Variants in ADAM10 observed in about 807,000 individuals in gnomAD.
The protein encoded by ADAM10 is ADAM metallopeptidase domain 10.
ADAM10 carries 17 observed loss-of-function variants against 90.1 expected under a neutral mutation model. The observed-to-expected ratio is 0.19, with a 90% confidence interval of 0.13 to 0.28. The LOEUF (loss-of-function observed/expected upper bound fraction) is 0.28. Among genes scored for constraint, ADAM10 ranks in the 10% least tolerant of loss-of-function variants. ADAM10 has a pLI of 1.00. For synonymous variants in ADAM10, 310 were observed against 298.6 expected (o/e 1.04, Z -0.40); for missense variants, 610 against 914.3 (o/e 0.67, Z 4.29).
At chr15:58,706,204 G>A (rs1222170983) in intron 2 of ADAM10, among the ~76,000 whole-genome samples, 1 of 152,200 alleles carries the variant, frequency 6.6e-6, no homozygotes, top group Admixed American at 6.5e-5. Context: ...AACTAATGAA[G>A]TACGTTGCCA....
intron 14 of ADAM10, among the ~76,000 whole-genome samples, chr15:58,603,665 C>G (rs1158061331): frequency 6.6e-6 from 1 of 152,088 alleles, no homozygotes; most frequent in Non-Finnish European, 1.5e-5. Flanking sequence ...ATGTCAAACC[C>G]TTCTTCGAAT....
intron 2 of ADAM10, among the ~76,000 whole-genome samples, chr15:58,710,684 A>C (rs756169812): frequency 2.4e-4 from 36 of 150,688 alleles, no homozygotes; most frequent in Non-Finnish European, 4.9e-4. Context: ...TTTTTGCTCA[A>C]ATTTTGTTGG....
Position 58,664,996 on chromosome 15 carries a change from T to G in ADAM10, c.585+101A>C, listed in dbSNP as rs1897046645. The G allele has an allele frequency of 3.1e-6, 3 of 960,716 alleles. No individual in the cohort carries two copies. In the South Asian group the frequency reaches 3.9e-5, roughly 13 times the overall value. The allele number at this position is 960,716 out of a possible 1,614,324, so 59.5% of individuals were successfully genotyped here. A position where few individuals can be genotyped will look rare whatever the true frequency, so the allele number is the denominator to read the frequency against. On this transcript the variant is annotated intron_variant, in intron 5 of 15. Coordinates refer to ENST00000260408, the MANE Select transcript of ADAM10 (RefSeq NM_001110.4). ...TTAAAAAACATTCCCCACAGTGGTG[T>G]TAAGTCTTTCAGAAATCCTAGAACA...
At chr15:58,678,546 C>G (rs1421725202) in intron 4 of ADAM10, among the ~76,000 whole-genome samples, 3 of 151,984 alleles carry the variant, frequency 2.0e-5, no homozygotes, top group African/African-American at 7.2e-5. Context: ...GATATACGGA[C>G]AATAGAATTA....
chr15:58,647,291 C>T (rs1414656591), intron 5 of ADAM10, among the ~76,000 whole-genome samples: 7 of 40,300 alleles, frequency 1.7e-4, no homozygotes. Context: ...GACAGAGTCT[C>T]ACTCTGTTGC....
chr15:58,602,990 A>C (rs1426390393), intron 14 of ADAM10, among the ~76,000 whole-genome samples: 1 of 152,242 alleles, frequency 6.6e-6, no homozygotes, highest in East Asian at 1.9e-4. Flanking sequence ...AAATTTCTTA[A>C]AACAATGTGT....
At chr15:58,660,510 G>T (rs569263022) in intron 5 of ADAM10, among the ~76,000 whole-genome samples, 1 of 151,562 alleles carries the variant, frequency 6.6e-6, no homozygotes, top group Non-Finnish European at 1.5e-5. Context: ...TTGAGACAGG[G>T]TCTCGCTGTG....
chr15:58,661,348 C>T (rs1896962776), intron 5 of ADAM10, among the ~76,000 whole-genome samples: 1 of 152,004 alleles, frequency 6.6e-6, no homozygotes, highest in Non-Finnish European at 1.5e-5. Flanking sequence ...GTCACCTAGA[C>T]ACAAATTCTC....
At chr15:58,724,040 G>T (rs1402330288) in intron 1 of ADAM10, among the ~76,000 whole-genome samples, 1 of 152,078 alleles carries the variant, frequency 6.6e-6, no homozygotes, top group Non-Finnish European at 1.5e-5. Context: ...AGACCAGCCT[G>T]GCCAACATGG....
At chr15:58,692,442 G>A (rs746369299) in intron 2 of ADAM10, 17 of 542,170 alleles carry the variant, frequency 3.1e-5, no homozygotes, top group East Asian at 1.5e-4. Context: ...CCTCCTCATC[G>A]GAACCCACAT....
chr15:58,665,206 C>A lies in ADAM10; in HGVS notation c.485-9G>T. On this transcript the variant is annotated splice_polypyrimidine_tract_variant and intron_variant, in intron 4 of 15. Transcript: ENST00000260408. ...GTATTTATGGGGATAGTCTAAAATA[C>A]AAAGAAGAAACGTCATTACTATCAC... The A allele has an allele frequency of 6.3e-7, 1 of 1,584,042 alleles. No homozygotes were observed. The highest frequency in any genetic ancestry group is 8.7e-7 in the Non-Finnish European group (1 of 1,152,868).
In ADAM10 at chr15:58,617,330, T is replaced by C. The variant is rs1044379415; in HGVS notation, c.1511+4141A>G. Among the ~76,000 whole-genome samples the C allele has an allele frequency of 2.0e-5, 3 of 152,078 alleles. No homozygotes were observed. The East Asian group carries it at 5.8e-4, about 29-fold the overall frequency. Reference sequence around the variant, plus strand: ...TATGCCAATAAATGGGAAAACCGAATGATAATTAATAAATCCCTGGACACA... The same window carrying C: ...TATGCCAATAAATGGGAAAACCGAACGATAATTAATAAATCCCTGGACACA... On this transcript the variant is annotated intron_variant, in intron 11 of 15. Transcript: ENST00000260408.
At chr15:58,645,704 T>C (rs1291424614) in intron 6 of ADAM10, among the ~76,000 whole-genome samples, 1 of 152,142 alleles carries the variant, frequency 6.6e-6, no homozygotes, top group Non-Finnish European at 1.5e-5. Flanking sequence ...TAGAAAGTGC[T>C]ACATACAATA....
intron 2 of ADAM10, among the ~76,000 whole-genome samples, chr15:58,687,999 C>T (rs1187082212): frequency 1.3e-5 from 2 of 152,092 alleles, no homozygotes; most frequent in Non-Finnish European, 2.9e-5. Flanking sequence ...ACAAGACTAC[C>T]CATGTGACAA....
chr15:58,714,426 T>A (rs1898587652), intron 2 of ADAM10, among the ~76,000 whole-genome samples: 1 of 152,118 alleles, frequency 6.6e-6, no homozygotes, highest in Non-Finnish European at 1.5e-5. Context: ...CTGCACAGTA[T>A]TTAATATATT....
intron 5 of ADAM10, among the ~76,000 whole-genome samples, chr15:58,659,208 G>C: frequency 6.6e-6 from 1 of 151,140 alleles, no homozygotes; most frequent in Non-Finnish European, 1.5e-5. Flanking sequence ...GGGAGGTGGA[G>C]GTTGCAGTGG....
chr15:58,667,419 C>A (rs1897103409), intron 4 of ADAM10, among the ~76,000 whole-genome samples: 1 of 152,124 alleles, frequency 6.6e-6, no homozygotes, highest in South Asian at 2.1e-4. Context: ...CTCACTACCT[C>A]CAACAGGGTA....
rs1894972389 is a variant in ADAM10 at position 58,597,050 on chromosome 15, A to C, written c.*497T>G. On this transcript the variant is annotated 3_prime_UTR_variant, in exon 16 of 16. Transcript: ENST00000260408. ...CATCCATATTGCAATTTCTGTTTAC[A>C]ATTGCACACAGAAGTACAGTGTACG... is the stretch of plus-strand genomic sequence containing the variant. 2 of 187,712 alleles carry C rather than the reference A, an allele frequency of 1.1e-5. No individual in the cohort carries two copies. Among genetic ancestry groups the C allele is most frequent in the South Asian group, 2.2e-4 (2 of 9,292 alleles). 11.6% of individuals were successfully genotyped at this position (187,712 alleles called of 1,614,324 possible). A position where few individuals can be genotyped will look rare whatever the true frequency, so the allele number is the denominator to read the frequency against.
chr15:58,633,713 T>A (rs1431945903), intron 8 of ADAM10, among the ~76,000 whole-genome samples: 2 of 152,176 alleles, frequency 1.3e-5, no homozygotes, highest in Non-Finnish European at 2.9e-5. Context: ...AAAGTGTACA[T>A]CCTTTCATCT....
Sources: gnomAD v4.1 joint callset for allele counts (sites outside exome capture counted in the v4.1 genomes callset) on GRCh38, gnomAD v4.1.1 for gene constraint, MANE v1.5 for transcripts, NCBI Gene and HGNC (gene_info 2026-07-23, HGNC 2026-07-21) for gene names.